Variants in GSE1 observed in about 807,000 individuals in gnomAD.
The protein encoded by GSE1 is Gse1 coiled-coil protein, also known as genetic suppressor element 1.
Under a neutral mutation model 112.6 loss-of-function variants are expected in GSE1, and 32 were observed. That is an observed-to-expected ratio of 0.28 (90% CI 0.21 to 0.38). The LOEUF (loss-of-function observed/expected upper bound fraction) is 0.38. Among genes scored for constraint, GSE1 ranks in the 10% least tolerant of loss-of-function variants. GSE1 has a pLI of 1.00. For synonymous variants in GSE1, 1,115 were observed against 735.6 expected (o/e 1.52, Z -8.35); for missense variants, 2,348 against 1,699.2 (o/e 1.38, Z -6.71).
intron 1 of GSE1, among the ~76,000 whole-genome samples, chr16:85,348,150 T>A (rs60545382): frequency 0.25 from 38,008 of 152,022 alleles, 5,001 homozygotes; most frequent in Middle Eastern, 0.3. Flanking sequence ...CTACCTGTCC[T>A]CCATCCATCC....
chr16:85,623,334 C>T (rs2048859842), intron 1 of GSE1, among the ~76,000 whole-genome samples: 1 of 152,052 alleles, frequency 6.6e-6, no homozygotes, highest in South Asian at 2.1e-4. Flanking sequence ...CCACCTCGGC[C>T]TCCCAAAGCG....
intron 2 of GSE1, among the ~76,000 whole-genome samples, chr16:85,488,057 G>A (rs765780033): frequency 3.8e-4 from 57 of 151,394 alleles, no homozygotes; most frequent in Non-Finnish European, 7.1e-4. Context: ...CTGGGGGAAC[G>A]TCTTGGAGTC....
At chr16:85,382,437 C>T (rs765055239) in intron 2 of GSE1, among the ~76,000 whole-genome samples, 21 of 152,212 alleles carry the variant, frequency 1.4e-4, no homozygotes, top group Non-Finnish European at 1.0e-4. Flanking sequence ...GACCCGCTGC[C>T]CCTGCAATGT....
intron 1 of GSE1, among the ~76,000 whole-genome samples, chr16:85,264,412 C>T (rs889757893): frequency 8.5e-5 from 13 of 152,074 alleles, no homozygotes; most frequent in Non-Finnish European, 1.2e-4. Context: ...GGGGGTTCCA[C>T]GCCTCAACTC....
intron 1 of GSE1, among the ~76,000 whole-genome samples, chr16:85,628,901 C>G (rs923842894): frequency 6.6e-6 from 1 of 152,174 alleles, no homozygotes; most frequent in African/African-American, 2.4e-5. Flanking sequence ...TGTGTGTCCC[C>G]TCCGAATCTC....
upstream of GSE1, chr16:85,555,454 C>T (rs1167809141): frequency 6.1e-6 from 6 of 984,520 alleles, no homozygotes; most frequent in Non-Finnish European, 7.2e-6. Context: ...AGCCTGCTTT[C>T]TCCTGCCGGA....
chr16:85,468,541 C>A lies in GSE1; in HGVS notation c.2464+110898C>A, dbSNP rs377421263. Reference sequence around the variant, plus strand: ...CCATGTTGGCCAGGCTGGTCTTGAACTCCTGACCTCCTGTGATCCACCAGC... The same window carrying A: ...CCATGTTGGCCAGGCTGGTCTTGAAATCCTGACCTCCTGTGATCCACCAGC... On this transcript the variant is annotated intron_variant, in intron 2 of 2. Transcript: ENST00000637419. 3.9e-4 allele frequency among the ~76,000 whole-genome samples: 60 copies of A among 152,116 alleles called. 2 individuals carry two copies. The East Asian group carries it at 0.01, about 26-fold the overall frequency.
At chr16:85,628,559 G>A (rs577163733) in intron 1 of GSE1, among the ~76,000 whole-genome samples, 1 of 152,290 alleles carries the variant, frequency 6.6e-6, no homozygotes, top group African/African-American at 2.4e-5. Flanking sequence ...GAAGGGCTGG[G>A]GAGCTGTGGG....
intron 1 of GSE1, among the ~76,000 whole-genome samples, chr16:85,256,157 A>G (rs1033034513): frequency 6.6e-6 from 1 of 152,162 alleles, no homozygotes; most frequent in Admixed American, 6.5e-5. Context: ...GGGGACGCCA[A>G]CAGGGTGAGT....
Position 85,514,374 on chromosome 16 carries a change from C to A in GSE1, c.2465-119540C>A, listed in dbSNP as rs188917844. On this transcript the variant is annotated intron_variant, in intron 2 of 2. Coordinates refer to the GSE1 transcript ENST00000637419. ...CCTCCTTCGTGGGACACCACCCCCC[C>A]ATCCTTTGCACCCTCTGAGTCCTGC... 3.7e-3 allele frequency among the ~76,000 whole-genome samples: 553 copies of A among 147,562 alleles called. 4 individuals are homozygous for A. Among genetic ancestry groups the A allele is most frequent in the African/African-American group, 0.013 (525 of 40,520 alleles).
chr16:85,531,614 C>T (rs2044139529), intron 2 of GSE1, among the ~76,000 whole-genome samples: 1 of 152,232 alleles, frequency 6.6e-6, no homozygotes, highest in Admixed American at 6.5e-5. Flanking sequence ...GCCTGCCCCC[C>T]TTCCGCCCTG....
intron 1 of GSE1, among the ~76,000 whole-genome samples, chr16:85,210,081 C>T (rs572591192): frequency 4.6e-5 from 7 of 152,298 alleles, no homozygotes; most frequent in South Asian, 2.1e-4. Flanking sequence ...TGGTGAGCTG[C>T]AAAAATATGG....
At chr16:85,423,824 T>A (rs1359746239) in intron 2 of GSE1, among the ~76,000 whole-genome samples, 1 of 152,250 alleles carries the variant, frequency 6.6e-6, no homozygotes, top group African/African-American at 2.4e-5. Context: ...CCCACGGTCC[T>A]GGCCTCTGCC....
At chr16:85,533,335 G>A (rs1291860273) in intron 2 of GSE1, among the ~76,000 whole-genome samples, 6 of 151,876 alleles carry the variant, frequency 4.0e-5, no homozygotes, top group African/African-American at 1.2e-4. Context: ...CAGGAGAATC[G>A]CTTGAAACTG....
At chr16:85,569,498 TG>T (rs2045893535) in intron 1 of GSE1, among the ~76,000 whole-genome samples, 1 of 152,236 alleles carries the variant, frequency 6.6e-6, no homozygotes, top group Admixed American at 6.5e-5. Flanking sequence ...TTCCTGAGGC[TG>T]CTGTGAGAAT....
chr16:85,284,757 G>A (rs1348735379), intron 1 of GSE1, among the ~76,000 whole-genome samples: 1 of 152,118 alleles, frequency 6.6e-6, no homozygotes, highest in African/African-American at 2.4e-5. Context: ...TGTCAGGTGC[G>A]GGCGGGGCTG....
intron 1 of GSE1, among the ~76,000 whole-genome samples, chr16:85,302,026 G>A (rs2045540257): frequency 6.6e-6 from 1 of 152,194 alleles, no homozygotes; most frequent in Non-Finnish European, 1.5e-5. Context: ...AGGCAGGGCT[G>A]TTTCCAAACC....
chr16:85,634,170 C>T (rs1046597549), intron 2 of GSE1, 38 bp downstream of exon 2: 29 of 1,349,642 alleles, frequency 2.1e-5, no homozygotes, highest in Admixed American at 3.5e-5. Context: ...GGGGGAGCGG[C>T]GGCTCCCGAG....
intron 2 of GSE1, among the ~76,000 whole-genome samples, chr16:85,485,780 T>C (rs1456673992): frequency 6.7e-6 from 1 of 149,936 alleles, no homozygotes; most frequent in Non-Finnish European, 1.5e-5. Context: ...CCACCCTCCC[T>C]AGGGATGGCA....
Sources: gnomAD v4.1 joint callset for allele counts (sites outside exome capture counted in the v4.1 genomes callset) on GRCh38, gnomAD v4.1.1 for gene constraint, MANE v1.5 for transcripts, NCBI Gene and HGNC (gene_info 2026-07-23, HGNC 2026-07-21) for gene names.